EPB41L4A: variants seen among roughly 807,000 people sequenced by gnomAD.
EPB41L4A encodes erythrocyte membrane protein band 4.1 like 4A, also known as band 4.1-like protein 4A.
A neutral mutation model predicts 108.6 loss-of-function variants in EPB41L4A; 100 were observed. The observed-to-expected ratio is 0.92, with a 90% CI of 0.78 to 1.09. The LOEUF (loss-of-function observed/expected upper bound fraction) is 1.09, where lower values mean the gene tolerates loss of function less well. Among genes scored for constraint, EPB41L4A ranks in the 50% least tolerant of loss-of-function variants. The pLI, the probability that EPB41L4A is intolerant of heterozygous loss-of-function variation, is 0.00. For missense variants in EPB41L4A, 1,030 were observed against 842.7 expected (o/e 1.22, Z -2.75); for synonymous variants, 319 against 289.0 (o/e 1.10, Z -1.05).
chr5:112,329,310 T>G (rs1331975271), intron 1 of EPB41L4A, among the ~76,000 whole-genome samples: 1 of 152,186 alleles, frequency 6.6e-6, no homozygotes, highest in East Asian at 1.9e-4. Flanking sequence ...ACAGATTTGG[T>G]TCTTATCATA....
intron 4 of EPB41L4A, among the ~76,000 whole-genome samples, chr5:112,272,101 T>C (rs1335010123): frequency 2.6e-5 from 4 of 151,954 alleles, no homozygotes; most frequent in Non-Finnish European, 4.4e-5. Flanking sequence ...AGTATGACCA[T>C]ATATATGCAC....
chr5:112,312,290 C>T (rs1315792066), intron 1 of EPB41L4A, among the ~76,000 whole-genome samples: 1 of 152,188 alleles, frequency 6.6e-6, no homozygotes, highest in African/African-American at 2.4e-5. Context: ...CATTCCCAAA[C>T]TACCAGAACA....
chr5:112,278,754 GT>G (rs1272541806), intron 3 of EPB41L4A, among the ~76,000 whole-genome samples: 1 of 151,628 alleles, frequency 6.6e-6, no homozygotes. Flanking sequence ...AAACCTGTGA[GT>G]TTATTTTAAA....
intron 14 of EPB41L4A, 128 bp downstream of exon 14, chr5:112,205,293 G>C (rs1762419164): frequency 2.5e-6 from 2 of 813,066 alleles, no homozygotes; most frequent in Middle Eastern, 2.2e-4. Context: ...CATTGATTTA[G>C]AGTCTGCCCA....
At chr5:112,157,526 T>C (rs977805631) in intron 12 of EPB41L4A, among the ~76,000 whole-genome samples, 1 of 152,206 alleles carries the variant, frequency 6.6e-6, no homozygotes, top group African/African-American at 2.4e-5. Flanking sequence ...TCCCTGCTCC[T>C]TTGCTGTCAG....
At position 112,267,429 on chromosome 5, in the gene EPB41L4A, G is replaced by T. The variant is rs181127149; in HGVS notation, c.336-1099C>A. ...ATCAGACACCACATTGATTATTTCA[G>T]GAAGATTGGCATCAACTTTTATTGC... On this transcript the variant is annotated intron_variant, in intron 4 of 22. Coordinates refer to ENST00000261486, the MANE Select transcript of EPB41L4A (RefSeq NM_022140.5). Among the ~76,000 whole-genome samples, 20 of 152,298 alleles carry T rather than the reference G, an allele frequency of 1.3e-4. No individual in the cohort carries two copies. The East Asian group carries it at 3.1e-3, about 23-fold the overall frequency.
chr5:112,289,087 T>G (rs1753479818), intron 2 of EPB41L4A, among the ~76,000 whole-genome samples: 1 of 152,184 alleles, frequency 6.6e-6, no homozygotes, highest in South Asian at 2.1e-4. Flanking sequence ...TATCAAAAGG[T>G]ATAATGTAGT....
Position 112,419,269 on chromosome 5 carries a change from G to A in EPB41L4A, c.-230C>T, listed in dbSNP as rs114722971. 2,386 of 384,494 alleles carry A rather than the reference G, an allele frequency of 6.2e-3. 64 individuals carry two copies. Among genetic ancestry groups the A allele is most frequent in the African/African-American group, 0.048 (2,221 of 46,028 alleles). 23.8% of individuals were successfully genotyped at this position (384,494 alleles called of 1,614,324 possible). A position where few individuals can be genotyped will look rare whatever the true frequency, so the allele number is the denominator to read the frequency against. On this transcript the variant is annotated 5_prime_UTR_variant, in exon 1 of 23. Coordinates refer to ENST00000261486, the MANE Select transcript of EPB41L4A (RefSeq NM_022140.5). ...GCCCGGGAGCCGCCGGGGAAGCGCCGGCGGAACTGGGCGCGGAGGGCGGTG... is the reference window on the plus strand; with the variant it reads ...GCCCGGGAGCCGCCGGGGAAGCGCCAGCGGAACTGGGCGCGGAGGGCGGTG...
At chr5:112,169,518 G>C (rs975895142) in intron 20 of EPB41L4A, among the ~76,000 whole-genome samples, 1 of 152,026 alleles carries the variant, frequency 6.6e-6, no homozygotes, top group African/African-American at 2.4e-5. Context: ...CTTGAAAATT[G>C]CTAAGAAAGT....
chr5:112,287,380 G>A (rs1054207204), intron 2 of EPB41L4A, among the ~76,000 whole-genome samples: 2 of 152,148 alleles, frequency 1.3e-5, no homozygotes, highest in Non-Finnish European at 2.9e-5. Flanking sequence ...CTATCCATCT[G>A]CAAATCTTGT....
In EPB41L4A at chr5:112,195,680, C is replaced by A. The variant is rs777202416; in HGVS notation, c.1405G>T (p.Asp469Tyr). ...TTTTACCTCCTCCTTTGCTTAAGAT[C>A]TGAATCTTCACCACTGTTATGGGCT... ...RKAHNSGEDSDLKQRRRSRSR... is the reference protein window; with the variant it reads ...RKAHNSGEDSYLKQRRRSRSR... The change falls in exon 16 of 23, where the codon GAT becomes TAT. Residue 469 changes from aspartate (D) to tyrosine (Y), a missense_variant. Asp to Tyr is a radical substitution (Grantham distance 160). Coordinates refer to ENST00000261486, the MANE Select transcript of EPB41L4A (RefSeq NM_022140.5). 1 of 1,613,748 alleles carries A rather than the reference C, an allele frequency of 6.2e-7. No individual in the cohort carries two copies. The highest frequency in any genetic ancestry group is 1.1e-5 in the South Asian group (1 of 91,058).
At chr5:112,264,483 A>T (rs564833852) in intron 6 of EPB41L4A, 1 of 153,472 alleles carries the variant, frequency 6.5e-6, no homozygotes, top group Non-Finnish European at 1.5e-5. Flanking sequence ...TGTTGTGATT[A>T]AACATATTTA....
chr5:112,195,679 T>G lies in EPB41L4A; in HGVS notation c.1406A>C (p.Asp469Ala). The G allele has an allele frequency of 6.2e-7, 1 of 1,613,834 alleles. No individual in the cohort carries two copies. Among genetic ancestry groups the G allele is most frequent in the Non-Finnish European group, 8.5e-7 (1 of 1,179,810 alleles). Residue 469 changes from aspartate to alanine, a missense_variant, in exon 16 of 23, where the codon GAT (aspartate) becomes GCT (alanine). Coordinates refer to ENST00000261486, the MANE Select transcript of EPB41L4A (RefSeq NM_022140.5). ...TTTTTACCTCCTCCTTTGCTTAAGA[T>G]CTGAATCTTCACCACTGTTATGGGC... is the stretch of plus-strand genomic sequence containing the variant. ...RKAHNSGEDS[D>A]LKQRRRSRSR... is the part of the protein sequence containing the mutation.
At chr5:112,397,845 T>G (rs991630880) in intron 1 of EPB41L4A, among the ~76,000 whole-genome samples, 1 of 152,188 alleles carries the variant, frequency 6.6e-6, no homozygotes, top group African/African-American at 2.4e-5. Context: ...ACACGGCTAG[T>G]AAGTGGCAGG....
At chr5:112,235,852 A>G (rs1749292617) in intron 11 of EPB41L4A, among the ~76,000 whole-genome samples, 1 of 152,218 alleles carries the variant, frequency 6.6e-6, no homozygotes, top group Non-Finnish European at 1.5e-5. Flanking sequence ...GTTCAGTAAC[A>G]GTTCATGGAA....
At chr5:112,222,886 G>C (rs866593964) in intron 12 of EPB41L4A, among the ~76,000 whole-genome samples, 18 of 151,648 alleles carry the variant, frequency 1.2e-4, no homozygotes, top group African/African-American at 4.1e-4. Context: ...CCAAAGACCA[G>C]CACAGTGCCA....
intron 1 of EPB41L4A, among the ~76,000 whole-genome samples, chr5:112,376,608 A>C (rs771266981): frequency 2.6e-5 from 4 of 152,200 alleles, no homozygotes; most frequent in Non-Finnish European, 5.9e-5. Flanking sequence ...TTTATTCATA[A>C]AGTCAAAATG....
chr5:112,334,863 AAC>A (rs1453348411), intron 1 of EPB41L4A, among the ~76,000 whole-genome samples: 6 of 152,146 alleles, frequency 3.9e-5, no homozygotes, highest in African/African-American at 1.4e-4. Context: ...TTTGGATTAC[AAC>A]AGTGAGTATA....
At chr5:112,216,805 G>A (rs1307777038) in intron 12 of EPB41L4A, among the ~76,000 whole-genome samples, 6 of 152,144 alleles carry the variant, frequency 3.9e-5, no homozygotes, top group Admixed American at 2.0e-4. Flanking sequence ...TTCTCACATT[G>A]ACAGCTCAAA....
Sources: allele counts gnomAD v4.1 joint callset (sites outside exome capture counted in the v4.1 genomes callset), GRCh38; gene constraint gnomAD v4.1.1; transcripts MANE v1.5; gene names NCBI Gene and HGNC (gene_info 2026-07-23, HGNC 2026-07-21).